The following SYNE1 variants were observed in gnomAD, a reference collection of about 807,000 sequenced individuals.
SYNE1 encodes the protein spectrin repeat containing nuclear envelope protein 1, also known as nesprin-1.
A neutral mutation model predicts 1,111.0 loss-of-function variants in SYNE1; 616 were observed. The ratio of observed to expected loss-of-function variants is 0.55; its 90% CI spans 0.52 to 0.59. The LOEUF (loss-of-function observed/expected upper bound fraction) is 0.59, where lower values mean the gene tolerates loss of function less well. Among genes scored for constraint, SYNE1 ranks in the 20% least tolerant of loss-of-function variants. The pLI is 0.00. For synonymous variants in SYNE1, 3,855 were observed against 3,825.8 expected (o/e 1.01, Z -0.28); for missense variants, 10,006 against 10,417.0 (o/e 0.96, Z 1.72).
In SYNE1 at chr6:152,310,792, A is replaced by G. The variant is rs762244159; in HGVS notation, c.16792T>C (p.Cys5598Arg). Residue 5598 changes from cysteine (C) to arginine (R), a missense_variant, in exon 88 of 146, where the codon TGT becomes CGT. Around this residue, in one of 7 missense-constraint regions of SYNE1, gnomAD observed 4,955 missense variants for 5,017.2 expected, o/e 0.99. Transcript: ENST00000367255. ...EKLQYLTSVY[C>R]TEKMSQQVAE... The stretch of plus-strand genomic sequence containing the variant: ...ACTTGCTGAGACATTTTTTCTGTAC[A>G]GTACACGCTAGTGAGGTACTGTAAT... The G allele has an allele frequency of 3.1e-6, 5 of 1,614,014 alleles. 1 individual carries two copies. The South Asian group carries it at 5.5e-5, about 18-fold the overall frequency.
chr6:152,392,146 A>G (rs2154135365), intron 51 of SYNE1, among the ~76,000 whole-genome samples: 1 of 152,152 alleles, frequency 6.6e-6, no homozygotes, highest in East Asian at 1.9e-4. Flanking sequence ...GTCTTGCTCT[A>G]TCGCCATGTA....
At chr6:152,590,816 AT>A (rs1775459692) in intron 3 of SYNE1, among the ~76,000 whole-genome samples, 1 of 152,184 alleles carries the variant, frequency 6.6e-6, no homozygotes, top group African/African-American at 2.4e-5. Context: ...TTCATTAAAA[AT>A]ATCAAGTTCT....
At chr6:152,386,702 C>T (rs7744978) in intron 54 of SYNE1, among the ~76,000 whole-genome samples, 6,472 of 152,074 alleles carry the variant, frequency 0.043, 179 homozygotes, top group African/African-American at 0.076. Flanking sequence ...TGAATCTTGA[C>T]GGTAAATAGA....
chr6:152,182,487 A>G (rs1444717844), intron 128 of SYNE1, among the ~76,000 whole-genome samples: 2 of 152,190 alleles, frequency 1.3e-5, no homozygotes, highest in East Asian at 3.8e-4. Context: ...CACTCATTAC[A>G]TACTCCCTGG....
At chr6:152,220,697 C>A in intron 119 of SYNE1, 145 bp downstream of exon 119, 2 of 756,914 alleles carry the variant, frequency 2.6e-6, no homozygotes, top group Non-Finnish European at 2.4e-6. Context: ...TTCTGAAAAT[C>A]AGGCAGGCTC....
At chr6:152,562,804 T>A (rs559995354) in intron 3 of SYNE1, among the ~76,000 whole-genome samples, 61 of 152,318 alleles carry the variant, frequency 4.0e-4, no homozygotes, top group African/African-American at 1.4e-3. Context: ...AGTATATATT[T>A]TTTTAAAAAA....
chr6:152,277,247 C>G (rs2093692618), intron 98 of SYNE1, among the ~76,000 whole-genome samples: 1 of 143,952 alleles, frequency 6.9e-6, no homozygotes, highest in East Asian at 2.1e-4. Flanking sequence ...CTTGCAATCA[C>G]ACTCCTTTTT....
chr6:152,494,075 C>G (rs1186705503), intron 11 of SYNE1, among the ~76,000 whole-genome samples: 4 of 152,182 alleles, frequency 2.6e-5, no homozygotes, highest in Non-Finnish European at 4.4e-5. Context: ...GCCTTTCTAT[C>G]CGAACAACCT....
At chr6:152,413,834 C>T (rs1244684950) in intron 41 of SYNE1, among the ~76,000 whole-genome samples, 3 of 152,014 alleles carry the variant, frequency 2.0e-5, no homozygotes, top group Non-Finnish European at 4.4e-5. Flanking sequence ...AAAACTAAGG[C>T]TGATCTCATA....
intron 75 of SYNE1, among the ~76,000 whole-genome samples, 188 bp downstream of exon 75, chr6:152,339,053 A>G (rs1220428906): frequency 1.3e-5 from 2 of 152,242 alleles, no homozygotes; most frequent in Non-Finnish European, 2.9e-5. Flanking sequence ...GATGTCATCA[A>G]TGTCAGGATG....
chr6:152,397,748 A>G (rs1591858837), intron 49 of SYNE1, among the ~76,000 whole-genome samples: 1 of 152,214 alleles, frequency 6.6e-6, no homozygotes, highest in Non-Finnish European at 1.5e-5. Flanking sequence ...CATGTTTGTA[A>G]CTAGCACTTT....
At chr6:152,217,742 A>G (rs986775780) in intron 121 of SYNE1, among the ~76,000 whole-genome samples, 1 of 152,000 alleles carries the variant, frequency 6.6e-6, no homozygotes, top group Non-Finnish European at 1.5e-5. Context: ...CAGCCGTGGA[A>G]AGGAGGAGTG....
At chr6:152,170,186 A>G (rs570220739) in intron 130 of SYNE1, among the ~76,000 whole-genome samples, 17 of 152,322 alleles carry the variant, frequency 1.1e-4, no homozygotes, top group Admixed American at 1.1e-3. Flanking sequence ...ATTCCAATGA[A>G]CTAAATATGA....
intron 28 of SYNE1, among the ~76,000 whole-genome samples, chr6:152,448,466 A>C (rs890977864): frequency 1.3e-5 from 2 of 152,222 alleles, no homozygotes; most frequent in African/African-American, 4.8e-5. Flanking sequence ...GCAAGCAACC[A>C]GTAGCAAATG....
intron 3 of SYNE1, among the ~76,000 whole-genome samples, chr6:152,563,545 A>G (rs2099401891): frequency 6.6e-6 from 1 of 152,220 alleles, no homozygotes; most frequent in Non-Finnish European, 1.5e-5. Flanking sequence ...AATGAGAAAT[A>G]TATCAACTCA....
chr6:152,195,285 C>T (rs550587499), intron 127 of SYNE1, among the ~76,000 whole-genome samples: 1 of 152,252 alleles, frequency 6.6e-6, no homozygotes, highest in East Asian at 1.9e-4. Context: ...AGAATTGGTC[C>T]CTGGTGTCTT....
chr6:152,538,606 AAAT>A (rs935118801), intron 4 of SYNE1, among the ~76,000 whole-genome samples: 1 of 151,986 alleles, frequency 6.6e-6, no homozygotes, highest in African/African-American at 2.4e-5. Context: ...CACTATGAAA[AAAT>A]AATAACTCTT....
intron 4 of SYNE1, among the ~76,000 whole-genome samples, chr6:152,532,370 G>A (rs1203646407): frequency 6.6e-6 from 1 of 151,992 alleles, no homozygotes; most frequent in Non-Finnish European, 1.5e-5. Flanking sequence ...TTTGAGAAAA[G>A]AGCTCTCAAA....
At position 152,331,133 on chromosome 6, in the gene SYNE1, G is replaced by C. The variant is rs569216024; in HGVS notation, c.13552C>G (p.Arg4518Gly). 2 of 1,613,998 alleles carry C rather than the reference G, an allele frequency of 1.2e-6. No individual in the cohort carries two copies. The change falls in exon 78 of 146, where the codon CGC becomes GGC. Residue 4518 changes from arginine (R) to glycine (G), a missense_variant. Arg to Gly is a moderately radical substitution (Grantham distance 125). Around this residue, in one of 7 missense-constraint regions of SYNE1, gnomAD observed 4,955 missense variants for 5,017.2 expected, o/e 0.99. Transcript: ENST00000367255. ...TCTGTGACTTCCTTCATTAGTTCGCGACCCTGGGCCCAAAGTCCAGTGACT... is the reference window on the plus strand; with the variant it reads ...TCTGTGACTTCCTTCATTAGTTCGCCACCCTGGGCCCAAAGTCCAGTGACT... Reference protein sequence around the residue: ...NEVTGLWAQGRELMKEVTEQE... With the variant: ...NEVTGLWAQGGELMKEVTEQE...
Sources: allele counts gnomAD v4.1 joint callset (sites outside exome capture counted in the v4.1 genomes callset), GRCh38; gene constraint gnomAD v4.1.1; regional missense constraint gnomAD v4.1.1; transcripts MANE v1.5; gene names NCBI Gene and HGNC (gene_info 2026-07-23, HGNC 2026-07-21).